The following FSD1L variants were observed in gnomAD, a reference collection of about 807,000 sequenced individuals.
The protein encoded by FSD1L is fibronectin type III and SPRY domain containing 1 like.
FSD1L carries 45 observed loss-of-function variants against 71.6 expected under a neutral mutation model. That is an observed-to-expected ratio of 0.63 (90% CI 0.49 to 0.81). FSD1L has a LOEUF of 0.81. Among genes scored for constraint, FSD1L ranks in the 30% least tolerant of loss-of-function variants. The pLI is 0.00. For synonymous variants in FSD1L, 197 were observed against 207.2 expected (o/e 0.95, Z 0.42); for missense variants, 561 against 618.1 (o/e 0.91, Z 0.98).
intron 12 of FSD1L, among the ~76,000 whole-genome samples, chr9:105,536,637 T>G (rs1182678893): frequency 2.6e-5 from 4 of 152,140 alleles, no homozygotes; most frequent in Non-Finnish European, 2.9e-5. Flanking sequence ...TTTTTTGTTT[T>G]GTTTTGTTTT....
Position 105,519,711 on chromosome 9 carries a change from C to T in FSD1L, c.1025+6775C>T, listed in dbSNP as rs956846095. Among the ~76,000 whole-genome samples, 7 of 152,342 alleles carry T rather than the reference C, an allele frequency of 4.6e-5. No individual in the cohort carries two copies. The South Asian group carries it at 1.4e-3, about 32-fold the overall frequency. ...CAGTATCATACTGAATGGGCAAAAA[C>T]TGGAAGCATTCACTTTGAAAACCAG... On this transcript the variant is annotated intron_variant, in intron 10 of 13. Coordinates refer to ENST00000481272, the MANE Select transcript of FSD1L (RefSeq NM_001145313.3).
intron 13 of FSD1L, 76 bp from the exon 14 acceptor site, chr9:105,546,282 T>A (rs1183504795): frequency 7.1e-7 from 1 of 1,402,850 alleles, no homozygotes. Flanking sequence ...GCATTTTGCC[T>A]TTGAAATGGA....
At chr9:105,454,010 A>G (rs1238075162) in intron 1 of FSD1L, among the ~76,000 whole-genome samples, 1 of 152,248 alleles carries the variant, frequency 6.6e-6, no homozygotes, top group Non-Finnish European at 1.5e-5. Flanking sequence ...AATTTATTAA[A>G]AAAGTATTAA....
At chr9:105,544,214 G>T (rs574851640) in intron 13 of FSD1L, among the ~76,000 whole-genome samples, 1 of 151,966 alleles carries the variant, frequency 6.6e-6, no homozygotes, top group Non-Finnish European at 1.5e-5. Flanking sequence ...TGTGTCTGTT[G>T]GCTGCATAAA....
In FSD1L at chr9:105,525,855, A is replaced by G. The variant is rs111406366; in HGVS notation, c.1026-8638A>G. The G allele has an allele frequency of 1.6e-3, 2,534 of 1,588,086 alleles. 35 individuals carry two copies. In the African/African-American group the frequency reaches 0.029, roughly 18 times the overall value. ...ACAAAAGCACTGGATTGACCACTCC[A>G]TATTTTGCTACCTCTACAGTAGAAG... is the stretch of plus-strand genomic sequence containing the variant. On this transcript the variant is annotated intron_variant, in intron 10 of 13. Coordinates refer to ENST00000481272, the MANE Select transcript of FSD1L (RefSeq NM_001145313.3).
intron 10 of FSD1L, chr9:105,513,533 C>A: frequency 7.5e-7 from 1 of 1,340,568 alleles, no homozygotes; most frequent in Non-Finnish European, 1.0e-6. Context: ...AATCTGATTT[C>A]ATTATAAGCT....
intron 8 of FSD1L, 59 bp from the exon 9 acceptor site, chr9:105,508,558 C>T (rs1834205809): frequency 6.2e-6 from 6 of 974,478 alleles, no homozygotes; most frequent in South Asian, 1.4e-5. Flanking sequence ...CATACTCTTA[C>T]TTTTGGGAAT....
chr9:105,461,087 A>T (rs1830664472), intron 1 of FSD1L, among the ~76,000 whole-genome samples: 1 of 152,262 alleles, frequency 6.6e-6, no homozygotes, highest in African/African-American at 2.4e-5. Context: ...AAGCACATAA[A>T]GAAATTCTGG....
intron 5 of FSD1L, among the ~76,000 whole-genome samples, chr9:105,473,967 T>C (rs75994228): frequency 0.016 from 2,404 of 152,338 alleles, 90 homozygotes; most frequent in African/African-American, 0.055. Flanking sequence ...ACTATTTGGG[T>C]CTTGTCTTGC....
intron 1 of FSD1L, among the ~76,000 whole-genome samples, chr9:105,452,665 G>GCCTGCCTGCCTT (rs1830095598): frequency 3.6e-4 from 31 of 85,850 alleles, no homozygotes; most frequent in Admixed American, 1.6e-3. Context: ...CTGCCTGCCT[G>GCCTGCCTGCCTT]CCTGCCTTCC....
At chr9:105,485,622 A>T (rs1832496588) in intron 7 of FSD1L, among the ~76,000 whole-genome samples, 1 of 137,580 alleles carries the variant, frequency 7.3e-6, no homozygotes, top group African/African-American at 2.7e-5. Context: ...GAATTTCTTG[A>T]AAGTGACATG....
At chr9:105,483,083 C>T (rs59138178) in intron 6 of FSD1L, among the ~76,000 whole-genome samples, 2,395 of 152,094 alleles carry the variant, frequency 0.016, 89 homozygotes, top group African/African-American at 0.055. Flanking sequence ...ATTTGAGAGA[C>T]GGGTTAGTGT....
intron 13 of FSD1L, among the ~76,000 whole-genome samples, chr9:105,541,990 G>T (rs1219575828): frequency 6.6e-6 from 1 of 152,154 alleles, no homozygotes; most frequent in African/African-American, 2.4e-5. Flanking sequence ...TTTCATATAT[G>T]TATGTATCAC....
chr9:105,510,291 A>G (rs546698239), intron 9 of FSD1L, among the ~76,000 whole-genome samples: 2 of 152,354 alleles, frequency 1.3e-5, no homozygotes, highest in East Asian at 3.9e-4. Context: ...CCCACAAAAC[A>G]GTGATTCTGA....
chr9:105,544,742 T>C (rs1836864344), intron 13 of FSD1L, among the ~76,000 whole-genome samples: 1 of 152,178 alleles, frequency 6.6e-6, no homozygotes, highest in Non-Finnish European at 1.5e-5. Context: ...GTTGTTGATG[T>C]GTGGTATTAT....
Position 105,492,741 on chromosome 9 carries a change from C to T in FSD1L, c.586+8239C>T, listed in dbSNP as rs984185260. ...TTTCAAAGAACATCTTTATTTCTGC[C>T]GTCATTTTGTTATGTACCCAGTAGT... On this transcript the variant is annotated intron_variant, in intron 7 of 13. Coordinates refer to ENST00000481272, the MANE Select transcript of FSD1L (RefSeq NM_001145313.3). Among the ~76,000 whole-genome samples, 15 of 152,040 alleles carry T rather than the reference C, an allele frequency of 9.9e-5. No homozygotes were observed. In the East Asian group the frequency reaches 1.9e-3, roughly 19 times the overall value.
At chr9:105,527,144 TCCAATAA>T (rs1213339263) in intron 10 of FSD1L, among the ~76,000 whole-genome samples, 7 of 144,606 alleles carry the variant, frequency 4.8e-5, no homozygotes, top group South Asian at 4.7e-4. Flanking sequence ...CCATGTTATA[TCCAATAA>T]CTAGAAAAAT....
In FSD1L at chr9:105,490,138, C is replaced by T. The variant is rs576584348; in HGVS notation, c.586+5636C>T. Reference sequence around the variant, plus strand: ...TCCCACCAACAGTGTAAAAGCGTTCCTATTTCTCCACATCCTCTCCAGCAC... The same window carrying T: ...TCCCACCAACAGTGTAAAAGCGTTCTTATTTCTCCACATCCTCTCCAGCAC... On this transcript the variant is annotated intron_variant, in intron 7 of 13. Transcript: ENST00000481272. Among the ~76,000 whole-genome samples the T allele has an allele frequency of 7.9e-3, 1,210 of 152,328 alleles. 10 individuals carry two copies. The highest frequency in any genetic ancestry group is 0.02 in the Middle Eastern group (6 of 294).
At chr9:105,519,943 G>T (rs1414815925) in intron 10 of FSD1L, among the ~76,000 whole-genome samples, 5 of 152,248 alleles carry the variant, frequency 3.3e-5, no homozygotes, top group Admixed American at 6.5e-5. Flanking sequence ...TGGAGCCGCG[G>T]CGCGAGGCGG....
Sources: allele counts gnomAD v4.1 joint callset (sites outside exome capture counted in the v4.1 genomes callset), GRCh38; gene constraint gnomAD v4.1.1; transcripts MANE v1.5; gene names NCBI Gene and HGNC (gene_info 2026-07-23, HGNC 2026-07-21).